The following MACROD2 variants were observed in gnomAD, a reference collection of about 807,000 sequenced individuals.
MACROD2 encodes ADP-ribose glycohydrolase MACROD2.
In MACROD2, 36 loss-of-function variants were observed where a neutral mutation model predicts 70.4. That is an observed-to-expected ratio of 0.51 (90% CI 0.39 to 0.68). The LOEUF is 0.68. MACROD2 is among the 30% of genes least tolerant of loss of function. The pLI is 0.00. For missense variants in MACROD2, 496 were observed against 538.4 expected (o/e 0.92, Z 0.78); for synonymous variants, 172 against 178.8 (o/e 0.96, Z 0.30).
chr20:14,939,211 A>C (rs1369362062), intron 5 of MACROD2, among the ~76,000 whole-genome samples: 1 of 151,868 alleles, frequency 6.6e-6, no homozygotes, highest in African/African-American at 2.4e-5. Flanking sequence ...TTCTTCTAGT[A>C]CTTTTATAGT....
At chr20:15,277,271 A>G (rs991405098) in intron 6 of MACROD2, among the ~76,000 whole-genome samples, 1 of 152,182 alleles carries the variant, frequency 6.6e-6, no homozygotes, top group Non-Finnish European at 1.5e-5. Flanking sequence ...CCTTTCCCCA[A>G]GGTCCTCAGC....
intron 5 of MACROD2, among the ~76,000 whole-genome samples, chr20:14,843,728 A>G (rs138657528): frequency 6.6e-6 from 1 of 152,228 alleles, no homozygotes; most frequent in African/African-American, 2.4e-5. Flanking sequence ...TCAAAGAGCT[A>G]CTAACTTTAT....
At chr20:15,029,845 T>C (rs893375330) in intron 5 of MACROD2, among the ~76,000 whole-genome samples, 2 of 152,006 alleles carry the variant, frequency 1.3e-5, no homozygotes, top group East Asian at 3.9e-4. Flanking sequence ...CATAAAGAGA[T>C]GAATGGGAGG....
chr20:15,539,648 A>T (rs192909404), intron 8 of MACROD2, among the ~76,000 whole-genome samples: 2 of 152,362 alleles, frequency 1.3e-5, no homozygotes, highest in Admixed American at 1.3e-4. Context: ...TATTTTAACA[A>T]GAAAAAAATT....
intron 3 of MACROD2, among the ~76,000 whole-genome samples, chr20:14,091,465 A>G (rs921604219): frequency 6.6e-6 from 1 of 152,188 alleles, no homozygotes; most frequent in African/African-American, 2.4e-5. Context: ...ATTTCAAAAT[A>G]ACTAAGGAAG....
chr20:14,206,584 G>T (rs2081525488), intron 3 of MACROD2, among the ~76,000 whole-genome samples: 1 of 149,524 alleles, frequency 6.7e-6, no homozygotes, highest in Admixed American at 6.7e-5. Flanking sequence ...CTAACATGTT[G>T]TTTGATATGT....
intron 5 of MACROD2, among the ~76,000 whole-genome samples, chr20:15,003,692 C>A (rs1243771145): frequency 1.3e-5 from 2 of 152,132 alleles, no homozygotes; most frequent in African/African-American, 2.4e-5. Flanking sequence ...TGATAATAGG[C>A]CTTGCCCCCA....
At chr20:14,902,164 T>A (rs2073902558) in intron 5 of MACROD2, among the ~76,000 whole-genome samples, 1 of 152,234 alleles carries the variant, frequency 6.6e-6, no homozygotes, top group Admixed American at 6.5e-5. Context: ...CATTAACCTC[T>A]AATTTAATCC....
At chr20:15,583,338 C>T (rs989402840) in intron 8 of MACROD2, among the ~76,000 whole-genome samples, 16 of 152,204 alleles carry the variant, frequency 1.1e-4, no homozygotes, top group African/African-American at 2.2e-4. Flanking sequence ...ACACATTTAA[C>T]GGGCAGATTA....
At chr20:15,836,352 T>A (rs1317376721) in intron 8 of MACROD2, among the ~76,000 whole-genome samples, 2 of 152,182 alleles carry the variant, frequency 1.3e-5, no homozygotes, top group Non-Finnish European at 2.9e-5. Context: ...TTAAAACCTT[T>A]ATCTTCTGCA....
chr20:15,008,503 A>C (rs138761326), intron 5 of MACROD2, among the ~76,000 whole-genome samples: 2 of 152,304 alleles, frequency 1.3e-5, no homozygotes, highest in African/African-American at 4.8e-5. Context: ...GAGAATAAGG[A>C]AGAGGAAAGC....
intron 5 of MACROD2, among the ~76,000 whole-genome samples, chr20:15,203,746 C>T (rs550023320): frequency 9.6e-4 from 146 of 152,204 alleles, no homozygotes; most frequent in Non-Finnish European, 1.6e-3. Flanking sequence ...TAAAAACACA[C>T]AGCCATTACA....
At chr20:15,789,738 A>G (rs6135517) in intron 8 of MACROD2, among the ~76,000 whole-genome samples, 58,439 of 151,842 alleles carry the variant, frequency 0.38, 11,437 homozygotes, top group East Asian at 0.58. Context: ...AAGAAGGAAG[A>G]AAACACAAGT....
At chr20:15,238,040 A>G (rs1455755845) in intron 6 of MACROD2, among the ~76,000 whole-genome samples, 1 of 152,212 alleles carries the variant, frequency 6.6e-6, no homozygotes, top group Non-Finnish European at 1.5e-5. Context: ...ATATTGATAA[A>G]TGTCATTTCT....
chr20:15,348,174 C>T (rs1373489515), intron 6 of MACROD2, among the ~76,000 whole-genome samples: 2 of 152,146 alleles, frequency 1.3e-5, no homozygotes, highest in Admixed American at 1.3e-4. Context: ...CATGCTTCTC[C>T]TCTCCTATTA....
rs1421521881 is a variant in MACROD2, at chr20:15,674,428, T to A, written c.645+174581T>A. 2.0e-5 allele frequency among the ~76,000 whole-genome samples: 3 copies of A among 152,084 alleles called. No individual in the cohort carries two copies. The East Asian group carries it at 5.8e-4, about 29-fold the overall frequency. On this transcript the variant is annotated intron_variant, in intron 8 of 17. Coordinates refer to ENST00000684519, the MANE Select transcript of MACROD2 (RefSeq NM_001351661.2). ...TGCGAAGGCATCTCAACCACTTTTA[T>A]GAAAGAATCTGTGAAATAGGCGAGT...
At chr20:15,783,736 C>G (rs1190388484) in intron 8 of MACROD2, among the ~76,000 whole-genome samples, 2 of 152,132 alleles carry the variant, frequency 1.3e-5, no homozygotes, top group Admixed American at 6.5e-5. Flanking sequence ...ATAACTGGAG[C>G]TTTTGCAACC....
chr20:14,841,465 C>T (rs1412967328), intron 5 of MACROD2, among the ~76,000 whole-genome samples: 1 of 151,822 alleles, frequency 6.6e-6, no homozygotes, highest in Non-Finnish European at 1.5e-5. Flanking sequence ...CCCTAACTTT[C>T]AAAACCTTAG....
At chr20:15,506,218 C>CGTT (rs147805568) in intron 8 of MACROD2, among the ~76,000 whole-genome samples, 7,666 of 152,232 alleles carry the variant, frequency 0.05, 280 homozygotes, top group Middle Eastern at 0.071. Context: ...GAAGTAGAGA[C>CGTT]GTTGGTTTCT....
Sources: allele counts gnomAD v4.1 joint callset (sites outside exome capture counted in the v4.1 genomes callset), GRCh38; gene constraint gnomAD v4.1.1; transcripts MANE v1.5; gene names NCBI Gene and HGNC (gene_info 2026-07-23, HGNC 2026-07-21).